The following PPAT variants were observed in gnomAD, a reference collection of about 807,000 sequenced individuals.
PPAT encodes amidophosphoribosyltransferase.
Under a neutral mutation model 60.2 loss-of-function variants are expected in PPAT, and 20 were observed. The observed-to-expected ratio is 0.33, with a 90% CI of 0.23 to 0.48. PPAT has a LOEUF of 0.48. Ranked by LOEUF, PPAT falls within the 20% of genes least tolerant of loss-of-function variation. The pLI, the probability that PPAT is intolerant of heterozygous loss-of-function variation, is 0.99. For synonymous variants in PPAT, 194 were observed against 215.1 expected (o/e 0.90, Z 0.86); for missense variants, 349 against 629.6 (o/e 0.55, Z 4.77).
chr4:56,397,695 A>G (rs1261200040), intron 9 of PPAT, among the ~76,000 whole-genome samples: 1 of 152,150 alleles, frequency 6.6e-6, no homozygotes, highest in Non-Finnish European at 1.5e-5. Context: ...TACACAATAA[A>G]TATATACATT....
At chr4:56,402,903 A>C (rs1716152221) in intron 5 of PPAT, 137 bp downstream of exon 5, 2 of 681,898 alleles carry the variant, frequency 2.9e-6, no homozygotes, top group Non-Finnish European at 4.5e-6. Flanking sequence ...AAAAGGAAGA[A>C]TACATTTATT....
chr4:56,414,259 A>C (rs1716609148), intron 1 of PPAT: 1 of 152,208 alleles, frequency 6.6e-6, no homozygotes, highest in African/African-American at 2.4e-5. Context: ...TGATACACGG[A>C]AGAAGGGAAG....
chr4:56,426,865 C>T (rs921736667), intron 1 of PPAT, among the ~76,000 whole-genome samples: 2 of 152,198 alleles, frequency 1.3e-5, no homozygotes, highest in Admixed American at 6.5e-5. Context: ...TCATTCCAAA[C>T]TGAAACTTCT....
In PPAT at chr4:56,417,835, G is replaced by GTTTTTTTTTTTTTTTTT. The variant is rs1207160039; in HGVS notation, c.129-10120_129-10119insAAAAAAAAAAAAAAAAA. Among the ~76,000 whole-genome samples, 247 of 102,482 alleles carry GTTTTTTTTTTTTTTTTT rather than the reference G, an allele frequency of 2.4e-3. 7 individuals are homozygous for GTTTTTTTTTTTTTTTTT. Among genetic ancestry groups the GTTTTTTTTTTTTTTTTT allele is most frequent in the African/African-American group, 8.1e-3 (231 of 28,668 alleles). 67.2% of individuals were successfully genotyped at this position (102,482 alleles called of 152,430 possible). A position where few individuals can be genotyped will look rare whatever the true frequency, so the allele number is the denominator to read the frequency against. ...ATCTTCGGTATAATTTGAAGATTTG[G>GTTTTTTTTTTTTTTTTT]TTTTTTGTTTTTTTTTTTTTTTTTG... On this transcript the variant is annotated intron_variant, in intron 1 of 10. Coordinates refer to ENST00000264220, the MANE Select transcript of PPAT (RefSeq NM_002703.5).
At chr4:56,411,305 A>C (rs1408333582) in intron 1 of PPAT, among the ~76,000 whole-genome samples, 1 of 152,170 alleles carries the variant, frequency 6.6e-6, no homozygotes, top group African/African-American at 2.4e-5. Context: ...CCAAACAAGA[A>C]CTTTCTCCTT....
intron 5 of PPAT, among the ~76,000 whole-genome samples, chr4:56,402,820 CAAAAAA>C (rs556899549): frequency 0.059 from 2,574 of 43,606 alleles, 22 homozygotes; most frequent in Middle Eastern, 0.1. Context: ...ACTCGGTCTC[CAAAAAA>C]AAAAAAAAAA....
intron 1 of PPAT, among the ~76,000 whole-genome samples, chr4:56,426,911 T>C (rs11728110): frequency 6.6e-6 from 1 of 152,072 alleles, no homozygotes; most frequent in East Asian, 1.9e-4. Context: ...ATCCCAACTC[T>C]CCTTAGCCTG....
Position 56,403,393 on chromosome 4 carries a change from A to G in PPAT, c.411T>C (p.Arg137=), listed in dbSNP as rs1716166542. 1.2e-6 allele frequency: 2 copies of G among 1,611,550 alleles called. No homozygotes were observed. The highest frequency in any genetic ancestry group is 4.5e-5 in the East Asian group (2 of 44,856). The change falls in exon 4 of 11, where the codon CGT becomes CGC. Residue 137 remains arginine (R), a synonymous_variant. Coordinates refer to ENST00000264220, the MANE Select transcript of PPAT (RefSeq NM_002703.5). Reference sequence around the variant, plus strand: ...AACTTGTAGACAGACCAATACCATGACGCAGAAGCTATATAGAAAAAAAGA... The same window carrying G: ...AACTTGTAGACAGACCAATACCATGGCGCAGAAGCTATATAGAAAAAAAGA... ...NAARLRKKLL[R]HGIGLSTSSD...
chr4:56,404,515 AT>A (rs1716193974), intron 3 of PPAT, among the ~76,000 whole-genome samples: 2 of 152,208 alleles, frequency 1.3e-5, no homozygotes, highest in African/African-American at 4.8e-5. Flanking sequence ...ACATGCACAG[AT>A]TGAGTCTGAA....
rs1275867530 is a variant in PPAT at position 56,393,847 on chromosome 4, G to A, written c.*1505C>T. 1 of 152,458 alleles carries A rather than the reference G, an allele frequency of 6.6e-6. No individual in the cohort carries two copies. The highest frequency in any genetic ancestry group is 1.5e-5 in the Non-Finnish European group (1 of 68,038). The allele number at this position is 152,458 out of a possible 1,614,324, so 9.4% of individuals were successfully genotyped here. A position where few individuals can be genotyped will look rare whatever the true frequency, so the allele number is the denominator to read the frequency against. ...ACAAGAGGCTACGCATGTTGAGGTG[G>A]TCCCAGGGCTTTATTCAAATGCCAA... On this transcript the variant is annotated 3_prime_UTR_variant, in exon 11 of 11. Transcript: ENST00000264220.
intron 1 of PPAT, among the ~76,000 whole-genome samples, chr4:56,424,938 T>C (rs769364463): frequency 4.3e-4 from 66 of 152,206 alleles, no homozygotes; most frequent in Non-Finnish European, 7.9e-4. Context: ...TAAATAAGCA[T>C]AGAAGTTTCA....
chr4:56,412,001 G>A (rs9684298), intron 1 of PPAT, among the ~76,000 whole-genome samples: 103,594 of 152,048 alleles, frequency 0.68, 35,395 homozygotes, highest in Admixed American at 0.76. Flanking sequence ...AACAGCAATC[G>A]CATTATTTTA....
chr4:56,400,957 T>C (rs1716093287), intron 7 of PPAT, 46 bp from the exon 8 acceptor site: 2 of 1,551,626 alleles, frequency 1.3e-6, no homozygotes, highest in East Asian at 2.3e-5. Context: ...CTTAGCATGA[T>C]ATAACAGTGT....
intron 1 of PPAT, among the ~76,000 whole-genome samples, chr4:56,411,346 AT>A (rs1716452594): frequency 6.6e-6 from 1 of 152,240 alleles, no homozygotes; most frequent in African/African-American, 2.4e-5. Flanking sequence ...AAATTTATAA[AT>A]AAAAGCACAT....
In PPAT at chr4:56,401,461, G is replaced by T; in HGVS notation, c.755C>A (p.Pro252His). The T allele has an allele frequency of 6.2e-7, 1 of 1,603,232 alleles. No individual in the cohort carries two copies. The highest frequency in any genetic ancestry group is 8.5e-7 in the Non-Finnish European group (1 of 1,173,492). Residue 252 changes from proline (P) to histidine (H), a missense_variant, in exon 7 of 11, where the codon CCT becomes CAT. Transcript: ENST00000264220. The part of the protein sequence containing the change: ...IGARYYREVL[P>H]GEIVEISRHN... The stretch of plus-strand genomic sequence containing the variant: ...TCTGGATATTTCCACAATTTCTCCA[G>T]GCAAGACTTCACGGTAATATCTTGG...
chr4:56,433,539 G>A lies in PPAT; in HGVS notation c.128+1811C>T, dbSNP rs932233436. ...CTTTTTCTTCAGGCACACATTTAAA[G>A]GGAAGGAGAAAGGGGGATGAAAATT... On this transcript the variant is annotated intron_variant, in intron 1 of 10. Transcript: ENST00000264220. Among the ~76,000 whole-genome samples the A allele has an allele frequency of 4.0e-5, 6 of 148,754 alleles. No individual in the cohort carries two copies. In the East Asian group the frequency reaches 7.8e-4, roughly 19 times the overall value.
At chr4:56,427,349 G>C (rs1560650009) in intron 1 of PPAT, among the ~76,000 whole-genome samples, 1 of 152,090 alleles carries the variant, frequency 6.6e-6, no homozygotes, top group Non-Finnish European at 1.5e-5. Flanking sequence ...CATGTTTTCA[G>C]TTCTTCTGGG....
chr4:56,414,079 A>C (rs572974830), intron 1 of PPAT, among the ~76,000 whole-genome samples: 2 of 152,182 alleles, frequency 1.3e-5, no homozygotes, highest in Non-Finnish European at 2.9e-5. Context: ...AGAAATTTGC[A>C]TGATTTTCTT....
chr4:56,422,650 C>T (rs1717100782), intron 1 of PPAT: 2 of 151,974 alleles, frequency 1.3e-5, no homozygotes, highest in Non-Finnish European at 1.5e-5. Flanking sequence ...TGAATGATAA[C>T]TAGCTTTAGA....
Sources: allele counts gnomAD v4.1 joint callset (sites outside exome capture counted in the v4.1 genomes callset), GRCh38; gene constraint gnomAD v4.1.1; transcripts MANE v1.5; gene names NCBI Gene and HGNC (gene_info 2026-07-23, HGNC 2026-07-21).